NCBP2: variants seen among roughly 807,000 people sequenced by gnomAD.
The protein encoded by NCBP2 is nuclear cap binding protein subunit 2.
NCBP2 carries 8 observed loss-of-function variants against 21.5 expected under a neutral mutation model. The ratio of observed to expected loss-of-function variants is 0.37; its 90% CI spans 0.22 to 0.67. The LOEUF is 0.67. NCBP2 is among the 30% of genes least tolerant of loss of function. The pLI is 0.56. For synonymous variants in NCBP2, 92 were observed against 75.8 expected, an observed-to-expected ratio of 1.21 and a Z score of -1.11; for missense variants, 127 against 206.9, an observed-to-expected ratio of 0.61 and a Z score of 2.37.
chr3:196,937,596 G>T lies in NCBP2; in HGVS notation c.313C>A (p.Arg105Ser). 6.2e-7 allele frequency: 1 copy of T among 1,614,174 alleles called. No individual in the cohort carries two copies. Among genetic ancestry groups the T allele is most frequent in the African/African-American group, 1.3e-5 (1 of 75,038 alleles). Reference sequence around the variant, plus strand: ...GTGCGAATGATTCGGTCATCCAGACGCGTCCCATTTATGTACCGCATGGCG... The same window carrying T: ...GTGCGAATGATTCGGTCATCCAGACTCGTCCCATTTATGTACCGCATGGCG... ...ENAMRYINGTRLDDRIIRTDW... is the reference protein window; with the variant it reads ...ENAMRYINGTSLDDRIIRTDW... The change falls in exon 3 of 4, where the codon CGT becomes AGT. Residue 105 changes from arginine to serine, a missense_variant. Arg to Ser is a moderately radical substitution (Grantham distance 110). Coordinates refer to ENST00000321256, the MANE Select transcript of NCBP2 (RefSeq NM_007362.5).
chr3:196,937,638 G>A lies in NCBP2; in HGVS notation c.271C>T (p.Arg91Cys), dbSNP rs1716328426. The change falls in exon 3 of 4, where the codon CGC becomes TGC. Residue 91 changes from arginine to cysteine, a missense_variant. By Grantham distance (180) the Arg-to-Cys change is radical (BLOSUM62 -3). Coordinates refer to ENST00000321256, the MANE Select transcript of NCBP2 (RefSeq NM_007362.5). ...CGFCFVEYYS[R>C]ADAENAMRYI... ...CGCATGGCGTTTTCCGCATCTGCGC[G>A]TGAGTAATATCTTAAGTATTAAGGA... 7 of 1,613,952 alleles carry A rather than the reference G, an allele frequency of 4.3e-6. No homozygotes were observed. The highest frequency in any genetic ancestry group is 1.3e-5 in the African/African-American group (1 of 74,932).
intron 1 of NCBP2, chr3:196,942,175 G>A (rs1277203937): frequency 4.8e-6 from 7 of 1,456,936 alleles, no homozygotes; most frequent in Non-Finnish European, 6.3e-6. Flanking sequence ...GGCACTGGCT[G>A]GGGTACAGGG....
chr3:196,938,377 C>G (rs1319841319), intron 2 of NCBP2: 2 of 152,050 alleles, frequency 1.3e-5, no homozygotes, highest in Non-Finnish European at 2.9e-5. Context: ...GGAAAAATTT[C>G]AACCGAAACA....
Position 196,936,659 on chromosome 3 carries a change from T to A in NCBP2, c.*352A>T. The A allele has an allele frequency of 3.5e-6, 1 of 287,308 alleles. No homozygotes were observed. Among genetic ancestry groups the A allele is most frequent in the Non-Finnish European group, 6.7e-6 (1 of 148,718 alleles). The allele number at this position is 287,308 out of a possible 1,614,324, so 17.8% of individuals were successfully genotyped here. A position where few individuals can be genotyped will look rare whatever the true frequency, so the allele number is the denominator to read the frequency against. ...CCCCAATGTAGATCATGAACCTACT[T>A]AAGACTCATTATGGTAAAAACAAAT... On this transcript the variant is annotated 3_prime_UTR_variant, in exon 4 of 4. Transcript: ENST00000321256.
intron 2 of NCBP2, 152 bp from the exon 3 acceptor site, chr3:196,937,800 G>A (rs190215188): frequency 3.1e-5 from 26 of 830,944 alleles, no homozygotes; most frequent in East Asian, 2.9e-4. Flanking sequence ...GCCTGTTTGC[G>A]ATTGGTTTGG....
At chr3:196,939,096 A>T in intron 2 of NCBP2, 155 bp downstream of exon 2, 1 of 581,534 alleles carries the variant, frequency 1.7e-6, no homozygotes, top group Non-Finnish European at 3.0e-6. Context: ...GAATATAAAT[A>T]GTATCAGCTT....
At chr3:196,937,740 G>A (rs1716335582) in intron 2 of NCBP2, 92 bp from the exon 3 acceptor site, 3 of 1,491,432 alleles carry the variant, frequency 2.0e-6, no homozygotes, top group Non-Finnish European at 2.8e-6. Flanking sequence ...AAAAGTACAA[G>A]AGCTAATCCA....
chr3:196,941,049 C>CTA (rs1716526712), intron 1 of NCBP2: 1 of 152,088 alleles, frequency 6.6e-6, no homozygotes, highest in African/African-American at 2.4e-5. Flanking sequence ...GCACTTCAGC[C>CTA]TAGGCAATAA....
chr3:196,937,687 T>G (rs1190076817), intron 2 of NCBP2, 39 bp from the exon 3 acceptor site: 3 of 1,608,652 alleles, frequency 1.9e-6, no homozygotes, highest in Non-Finnish European at 2.5e-6. Context: ...TCCAAACATT[T>G]CTGGAAATAG....
intron 1 of NCBP2, chr3:196,941,503 CCCTT>C (rs1716564308): frequency 5.0e-6 from 1 of 200,092 alleles, no homozygotes; most frequent in African/African-American, 2.3e-5. Context: ...CTATATGCGC[CCCTT>C]CCTTTCCCAG....
chr3:196,936,388 C>T lies in NCBP2; in HGVS notation c.*623G>A, dbSNP rs1044685667. 2 of 152,694 alleles carry T rather than the reference C, an allele frequency of 1.3e-5. No homozygotes were observed. Among genetic ancestry groups the T allele is most frequent in the African/African-American group, 4.8e-5 (2 of 41,466 alleles). 9.5% of individuals were successfully genotyped at this position (152,694 alleles called of 1,614,324 possible). A position where few individuals can be genotyped will look rare whatever the true frequency, so the allele number is the denominator to read the frequency against. On this transcript the variant is annotated 3_prime_UTR_variant, in exon 4 of 4. Transcript: ENST00000321256. The stretch of plus-strand genomic sequence containing the variant: ...AGAAAACAAATTCAATTGTCAAACA[C>T]CTGTTCCTAATTTTGTGCAAAGCAA...
chr3:196,939,503 TAG>T (rs1303486976), intron 1 of NCBP2, 71 bp from the exon 2 acceptor site: 7 of 1,118,544 alleles, frequency 6.3e-6, no homozygotes, highest in African/African-American at 1.6e-5. Flanking sequence ...CTAAGTACGG[TAG>T]AGACATTCAT....
chr3:196,936,360 C>A lies in NCBP2; in HGVS notation c.*651G>T, dbSNP rs1388231749. ...AAGCATGCCTTTAGAGGTTAGAATT[C>A]ACAGAAAACAAATTCAATTGTCAAA... On this transcript the variant is annotated 3_prime_UTR_variant, in exon 4 of 4. Transcript: ENST00000321256. The A allele has an allele frequency of 6.5e-6, 1 of 152,740 alleles. No homozygotes were observed. The highest frequency in any genetic ancestry group is 6.5e-5 in the Admixed American group (1 of 15,328). The allele number at this position is 152,740 out of a possible 1,614,324, so 9.5% of individuals were successfully genotyped here. A position where few individuals can be genotyped will look rare whatever the true frequency, so the allele number is the denominator to read the frequency against.
Position 196,942,506 on chromosome 3 carries a change from T to C in NCBP2, c.-3A>G, listed in dbSNP as rs1716649370. On this transcript the variant is annotated 5_prime_UTR_variant, in exon 1 of 4. Coordinates refer to ENST00000321256, the MANE Select transcript of NCBP2 (RefSeq NM_007362.5). ...GCCTTCAGGAGGCCACCCGACATAG[T>C]GCAGAGAAGCGGACCACAATGCGGC... The C allele has an allele frequency of 5.0e-6, 8 of 1,611,878 alleles. No homozygotes were observed. The highest frequency in any genetic ancestry group is 1.6e-4 in the Middle Eastern group (1 of 6,074).
chr3:196,936,932 G>A lies in NCBP2; in HGVS notation c.*79C>T, dbSNP rs574037481. On this transcript the variant is annotated 3_prime_UTR_variant, in exon 4 of 4. Coordinates refer to ENST00000321256, the MANE Select transcript of NCBP2 (RefSeq NM_007362.5). Reference sequence around the variant, plus strand: ...ATCAAATCTTGGTAAAAATGGGCTCGTGTGCAGACTTTAGGTGATGTTCTT... The same window carrying A: ...ATCAAATCTTGGTAAAAATGGGCTCATGTGCAGACTTTAGGTGATGTTCTT... 1.4e-5 allele frequency: 18 copies of A among 1,315,362 alleles called. No homozygotes were observed. Among genetic ancestry groups the A allele is most frequent in the Admixed American group, 6.7e-5 (4 of 59,538 alleles). 81.5% of individuals were successfully genotyped at this position (1,315,362 alleles called of 1,614,324 possible). A position where few individuals can be genotyped will look rare whatever the true frequency, so the allele number is the denominator to read the frequency against.
rs1207394218 is a variant in NCBP2 at position 196,935,810 on chromosome 3, TAGAG to T, written c.*1197_*1200del. On this transcript the variant is annotated 3_prime_UTR_variant, in exon 4 of 4. Coordinates refer to ENST00000321256, the MANE Select transcript of NCBP2 (RefSeq NM_007362.5). ...TAAATGAGCAATAACTCAGATATATTAGAGAGAAATCACCTCTTGCCTTACAAAT... is the reference window on the plus strand; with the variant it reads ...TAAATGAGCAATAACTCAGATATATTAGAAATCACCTCTTGCCTTACAAAT... 2 of 152,032 alleles carry T rather than the reference TAGAG, an allele frequency of 1.3e-5. No individual in the cohort carries two copies. The highest frequency in any genetic ancestry group is 2.1e-4 in the South Asian group (1 of 4,814). 9.4% of individuals were successfully genotyped at this position (152,032 alleles called of 1,614,324 possible). A position where few individuals can be genotyped will look rare whatever the true frequency, so the allele number is the denominator to read the frequency against.
chr3:196,937,715 G>A (rs1716333768), intron 2 of NCBP2, 67 bp from the exon 3 acceptor site: 3 of 1,579,554 alleles, frequency 1.9e-6, no homozygotes, highest in Non-Finnish European at 2.6e-6. Flanking sequence ...ACATGTAAAT[G>A]AAGCTGAGTT....
At chr3:196,942,243 T>A in intron 1 of NCBP2, 183 bp downstream of exon 1, 1 of 1,466,738 alleles carries the variant, frequency 6.8e-7, no homozygotes, top group Non-Finnish European at 9.0e-7. Context: ...CCAGAGCAAG[T>A]GGCTTCAGTG....
rs367670800 is a variant in NCBP2, at chr3:196,937,296, A to G, written c.399+214T>C. On this transcript the variant is annotated intron_variant, in intron 3 of 3. Coordinates refer to ENST00000321256, the MANE Select transcript of NCBP2 (RefSeq NM_007362.5). Reference sequence around the variant, plus strand: ...AGATACCTAGCCCTAGCAGAAGTTCAAGAATGGTTGCTTGTTAGAAACGTA... The same window carrying G: ...AGATACCTAGCCCTAGCAGAAGTTCGAGAATGGTTGCTTGTTAGAAACGTA... The G allele has an allele frequency of 1.1e-4, 87 of 800,346 alleles. 1 individual carries two copies. Among genetic ancestry groups the G allele is most frequent in the East Asian group, 9.3e-4 (35 of 37,652 alleles). The allele number at this position is 800,346 out of a possible 1,614,324, so 49.6% of individuals were successfully genotyped here.
Sources: allele counts gnomAD v4.1 joint callset, GRCh38; gene constraint gnomAD v4.1.1; transcripts MANE v1.5; gene names NCBI Gene and HGNC (gene_info 2026-07-23, HGNC 2026-07-21).